Variants in GRM5 observed in about 807,000 individuals in gnomAD.
GRM5 encodes the protein glutamate metabotropic receptor 5, also known as metabotropic glutamate receptor 5.
A neutral mutation model predicts 83.1 loss-of-function variants in GRM5; 19 were observed. That is an observed-to-expected ratio of 0.23 (90% confidence interval 0.16 to 0.34). The LOEUF is 0.34. Ranked by LOEUF, GRM5 falls within the 10% of genes least tolerant of loss-of-function variation. The pLI is 1.00. For synonymous variants in GRM5, 675 were observed against 633.6 expected (o/e 1.07, Z -0.98); for missense variants, 1,160 against 1,588.3 (o/e 0.73, Z 4.58).
chr11:88,862,005 T>C (rs1944572719), intron 2 of GRM5, among the ~76,000 whole-genome samples: 1 of 152,186 alleles, frequency 6.6e-6, no homozygotes, highest in African/African-American at 2.4e-5. Context: ...CAGCAATTTT[T>C]CATAAGTAAA....
At chr11:88,969,309 A>T (rs1336162126) in intron 2 of GRM5, among the ~76,000 whole-genome samples, 1 of 152,120 alleles carries the variant, frequency 6.6e-6, no homozygotes, top group African/African-American at 2.4e-5. Context: ...TGTGAGAAAC[A>T]CTACCCAATG....
chr11:88,657,516 A>G (rs1332863677), intron 3 of GRM5, among the ~76,000 whole-genome samples: 1 of 152,192 alleles, frequency 6.6e-6, no homozygotes, highest in Non-Finnish European at 1.5e-5. Context: ...CCCTGCAGAC[A>G]TCTTAAGGAC....
chr11:89,031,365 G>A (rs984849610), intron 2 of GRM5, among the ~76,000 whole-genome samples: 1 of 151,554 alleles, frequency 6.6e-6, no homozygotes, highest in Non-Finnish European at 1.5e-5. Context: ...TTTTGTTTTT[G>A]TTGTTATTAA....
chr11:88,900,617 A>T (rs1226395930), intron 2 of GRM5, among the ~76,000 whole-genome samples: 1 of 152,098 alleles, frequency 6.6e-6, no homozygotes, highest in Non-Finnish European at 1.5e-5. Flanking sequence ...TCTGTATGGA[A>T]CTCATATTAA....
chr11:88,540,082 G>T (rs1942230868), intron 8 of GRM5, among the ~76,000 whole-genome samples: 1 of 152,146 alleles, frequency 6.6e-6, no homozygotes, highest in African/African-American at 2.4e-5. Flanking sequence ...TTTATGAAAT[G>T]CAAGGCAGTA....
intron 8 of GRM5, among the ~76,000 whole-genome samples, chr11:88,557,202 C>T (rs368532233): frequency 2.6e-5 from 4 of 151,936 alleles, no homozygotes; most frequent in East Asian, 3.9e-4. Context: ...TGTGGATAGG[C>T]GATGATAGTT....
chr11:88,509,269 C>G lies in GRM5; in HGVS notation c.2962G>C (p.Gly988Arg). 1.4e-6 allele frequency: 2 copies of G among 1,473,106 alleles called. No homozygotes were observed. Among genetic ancestry groups the G allele is most frequent in the Non-Finnish European group, 1.8e-6 (2 of 1,116,684 alleles). 91.3% of individuals were successfully genotyped at this position (1,473,106 alleles called of 1,614,324 possible). The change falls in exon 10 of 10, where the codon GGC becomes CGC. Residue 988 changes from glycine (G) to arginine (R), a missense_variant. By Grantham distance (125) the Gly-to-Arg change is moderately radical. Around this residue, in one of 9 missense-constraint regions of GRM5, gnomAD observed 562 missense variants for 532.4 expected, o/e 1.06. Coordinates refer to ENST00000305447, the MANE Select transcript of GRM5 (RefSeq NM_001143831.3). ...GGAGCAGAGP[G>R]GPESPDAGPK... ...CCGGCGTCTGGGGACTCGGGCCCGCCTGGGCCGGCGCCTGCGCAGCCCGCA... is the reference window on the plus strand; with the variant it reads ...CCGGCGTCTGGGGACTCGGGCCCGCGTGGGCCGGCGCCTGCGCAGCCCGCA...
At chr11:88,521,674 T>C (rs183016239) in intron 9 of GRM5, among the ~76,000 whole-genome samples, 2 of 151,898 alleles carry the variant, frequency 1.3e-5, no homozygotes, top group East Asian at 3.9e-4. Context: ...ACTGTGAAAA[T>C]ATGAAAAGAT....
chr11:88,915,376 G>T (rs1945571996), intron 2 of GRM5, among the ~76,000 whole-genome samples: 1 of 152,016 alleles, frequency 6.6e-6, no homozygotes, highest in African/African-American at 2.4e-5. Context: ...GCATAAGTTT[G>T]ATTCAAAAAC....
At chr11:88,957,203 G>GT (rs1938645196) in intron 2 of GRM5, among the ~76,000 whole-genome samples, 1 of 152,190 alleles carries the variant, frequency 6.6e-6, no homozygotes, top group South Asian at 2.1e-4. Context: ...ACTAAGAAAG[G>GT]AATGGATGCT....
chr11:88,688,710 G>A (rs1440790260), intron 3 of GRM5, among the ~76,000 whole-genome samples: 1 of 152,010 alleles, frequency 6.6e-6, no homozygotes, highest in Non-Finnish European at 1.5e-5. Flanking sequence ...CATCAAAGAT[G>A]AACAGAATCT....
At chr11:89,027,153 T>G (rs982087695) in intron 2 of GRM5, among the ~76,000 whole-genome samples, 4 of 151,894 alleles carry the variant, frequency 2.6e-5, no homozygotes, top group African/African-American at 9.7e-5. Context: ...TGGAGTGCAG[T>G]GGCGCAATCT....
chr11:88,722,182 T>C (rs1414812280), intron 3 of GRM5, among the ~76,000 whole-genome samples: 1 of 152,156 alleles, frequency 6.6e-6, no homozygotes, highest in Non-Finnish European at 1.5e-5. Context: ...GCAACCATAT[T>C]TGGCATTATG....
intron 2 of GRM5, among the ~76,000 whole-genome samples, chr11:88,989,813 C>G (rs373726545): frequency 7.4e-4 from 110 of 149,646 alleles, no homozygotes; most frequent in African/African-American, 2.2e-3. Flanking sequence ...TTGAAACCAA[C>G]GAGAACAAAG....
intron 2 of GRM5, among the ~76,000 whole-genome samples, chr11:89,003,713 T>C (rs1458304999): frequency 1.3e-5 from 2 of 152,110 alleles, no homozygotes; most frequent in Non-Finnish European, 2.9e-5. Context: ...GAGAGTAAAT[T>C]GATGAATAAA....
chr11:88,877,840 AAGCAG>A (rs1389621059), intron 2 of GRM5, among the ~76,000 whole-genome samples: 3 of 139,764 alleles, frequency 2.1e-5, no homozygotes, highest in South Asian at 3.0e-4. Context: ...AAAAAAAAAA[AAGCAG>A]AAAGAAAGAA....
chr11:88,537,388 C>G (rs1431597781), intron 8 of GRM5, among the ~76,000 whole-genome samples: 1 of 152,078 alleles, frequency 6.6e-6, no homozygotes, highest in East Asian at 1.9e-4. Flanking sequence ...CTAAGAAGAG[C>G]TGACAATCAG....
At chr11:89,026,808 G>A (rs1481944955) in intron 2 of GRM5, among the ~76,000 whole-genome samples, 1 of 152,172 alleles carries the variant, frequency 6.6e-6, no homozygotes, top group Non-Finnish European at 1.5e-5. Context: ...TAGGGCAACA[G>A]GGAAAGTCAC....
intron 3 of GRM5, among the ~76,000 whole-genome samples, chr11:88,728,654 C>T (rs923884080): frequency 3.9e-5 from 6 of 152,064 alleles, no homozygotes; most frequent in African/African-American, 7.2e-5. Flanking sequence ...AATCCAGCAG[C>T]ACATCAAAAA....
Sources: allele counts gnomAD v4.1 joint callset (sites outside exome capture counted in the v4.1 genomes callset), GRCh38; gene constraint gnomAD v4.1.1; regional missense constraint gnomAD v4.1.1; transcripts MANE v1.5; gene names NCBI Gene and HGNC (gene_info 2026-07-23, HGNC 2026-07-21).